MBNL1: variants seen among roughly 807,000 people sequenced by gnomAD.
MBNL1 encodes the protein muscleblind like splicing regulator 1.
MBNL1 carries 8 observed loss-of-function variants against 42.2 expected under a neutral mutation model. The ratio of observed to expected loss-of-function variants is 0.19; its 90% CI spans 0.11 to 0.34. The LOEUF is 0.34. Among genes scored for constraint, MBNL1 ranks in the 10% least tolerant of loss-of-function variants. MBNL1 has a pLI of 1.00. For missense variants in MBNL1, 309 were observed against 495.3 expected, an observed-to-expected ratio of 0.62 and a Z score of 3.57; for synonymous variants, 169 against 173.9, an observed-to-expected ratio of 0.97 and a Z score of 0.22.
chr3:152,318,971 A>G (rs1334989111), intron 2 of MBNL1, among the ~76,000 whole-genome samples: 4 of 152,154 alleles, frequency 2.6e-5, no homozygotes, highest in Non-Finnish European at 5.9e-5. Flanking sequence ...TTTTATTTGT[A>G]CTACTGGAAG....
Position 152,435,507 on chromosome 3 carries a change from G to A in MBNL1, c.549+2587G>A, listed in dbSNP as rs549790586. Among the ~76,000 whole-genome samples, 14 of 152,212 alleles carry A rather than the reference G, an allele frequency of 9.2e-5. No homozygotes were observed. In the East Asian group the frequency reaches 2.7e-3, roughly 29 times the overall value. ...AGCTTTGTTATTTTTGCTTAAGATT[G>A]CATTGGCTATCCAGGCTCTTTTTTT... On this transcript the variant is annotated intron_variant, in intron 4 of 9. Transcript: ENST00000324210.
chr3:152,332,567 C>T (rs1266144190), intron 2 of MBNL1, among the ~76,000 whole-genome samples: 2 of 152,196 alleles, frequency 1.3e-5, no homozygotes, highest in African/African-American at 2.4e-5. Context: ...CACATGGGCA[C>T]CTAAATAAGT....
chr3:152,413,026 A>G (rs1560495747), intron 2 of MBNL1, among the ~76,000 whole-genome samples: 1 of 152,162 alleles, frequency 6.6e-6, no homozygotes, highest in Admixed American at 6.5e-5. Context: ...ACTTCAACTA[A>G]ATATCCCTGA....
At chr3:152,397,630 ATC>A (rs199591065) in intron 2 of MBNL1, among the ~76,000 whole-genome samples, 3,469 of 152,240 alleles carry the variant, frequency 0.023, 54 homozygotes, top group Non-Finnish European at 0.036. Flanking sequence ...AGCGCTGATA[ATC>A]TGTAAACTTT....
chr3:152,371,433 A>G (rs183527578), intron 2 of MBNL1, among the ~76,000 whole-genome samples: 60 of 152,204 alleles, frequency 3.9e-4, no homozygotes, highest in Admixed American at 2.9e-3. Flanking sequence ...CTCCATCTCT[A>G]CTAAAAATAC....
chr3:152,447,686 A>G lies in MBNL1; in HGVS notation c.874A>G (p.Thr292Ala), dbSNP rs1479781937. Residue 292 changes from threonine (T) to alanine (A), a missense_variant, in exon 6 of 10, where the codon ACC becomes GCC. Physicochemically the swap from Thr to Ala is moderately conservative, Grantham distance 58. Transcript: ENST00000324210. ...RPALEKTNGA[T>A]AVFNTGIFQY... Reference sequence around the variant, plus strand: ...TGCTCTTGAAAAAACCAACGGTGCCACCGCAGTCTTTAACACTGGTATTTT... The same window carrying G: ...TGCTCTTGAAAAAACCAACGGTGCCGCCGCAGTCTTTAACACTGGTATTTT... 6.2e-7 allele frequency: 1 copy of G among 1,613,958 alleles called. No homozygotes were observed. The highest frequency in any genetic ancestry group is 1.3e-5 in the African/African-American group (1 of 75,034).
At position 152,452,138 on chromosome 3, in the gene MBNL1, A is replaced by G. The variant is rs551622050; in HGVS notation, c.962-3404A>G. Reference sequence around the variant, plus strand: ...ATTCATATTGAAGTTTTGTCTTTTCAAATTTCGATATATACTTGTTTTAAC... The same window carrying G: ...ATTCATATTGAAGTTTTGTCTTTTCGAATTTCGATATATACTTGTTTTAAC... On this transcript the variant is annotated intron_variant, in intron 6 of 9. Transcript: ENST00000324210. Among the ~76,000 whole-genome samples, 3 of 152,348 alleles carry G rather than the reference A, an allele frequency of 2.0e-5. No homozygotes were observed. The East Asian group carries it at 5.8e-4, about 29-fold the overall frequency.
At chr3:152,414,430 C>G (rs1208606326) in intron 2 of MBNL1, among the ~76,000 whole-genome samples, 1 of 152,016 alleles carries the variant, frequency 6.6e-6, no homozygotes, top group Non-Finnish European at 1.5e-5. Context: ...CTGGTAAAGC[C>G]TAGTAGTAAT....
intron 2 of MBNL1, among the ~76,000 whole-genome samples, chr3:152,386,055 T>C (rs1457355686): frequency 6.6e-6 from 1 of 152,052 alleles, no homozygotes; most frequent in Non-Finnish European, 1.5e-5. Context: ...CCTTGGGTAG[T>C]TCAAAAGATA....
intron 2 of MBNL1, among the ~76,000 whole-genome samples, chr3:152,255,548 C>A (rs548705661): frequency 1.8e-4 from 28 of 151,992 alleles, no homozygotes; most frequent in Non-Finnish European, 3.7e-4. Flanking sequence ...AGTCATATAT[C>A]AAGCAGTATA....
At chr3:152,381,405 C>T (rs2097175788) in intron 2 of MBNL1, among the ~76,000 whole-genome samples, 2 of 151,964 alleles carry the variant, frequency 1.3e-5, no homozygotes, top group Non-Finnish European at 2.9e-5. Flanking sequence ...AAAACAAACG[C>T]TGTCCATAAG....
intron 2 of MBNL1, among the ~76,000 whole-genome samples, chr3:152,368,341 G>A (rs1400596101): frequency 6.6e-6 from 1 of 152,024 alleles, no homozygotes; most frequent in African/African-American, 2.4e-5. Context: ...TGTTATTTTT[G>A]AGGCCTCTGT....
intron 6 of MBNL1, among the ~76,000 whole-genome samples, chr3:152,452,681 G>A (rs1236687085): frequency 1.3e-5 from 2 of 152,142 alleles, no homozygotes; most frequent in African/African-American, 4.8e-5. Flanking sequence ...CTGTGGAGCT[G>A]CACACTGCCT....
At chr3:152,431,534 C>A (rs569333827) in intron 3 of MBNL1, among the ~76,000 whole-genome samples, 6 of 152,156 alleles carry the variant, frequency 3.9e-5, no homozygotes, top group African/African-American at 1.4e-4. Context: ...CATGTAACTT[C>A]TTATTCCTGT....
chr3:152,278,849 C>A (rs990019539), intron 1 of MBNL1, among the ~76,000 whole-genome samples: 1 of 151,956 alleles, frequency 6.6e-6, no homozygotes, highest in Non-Finnish European at 1.5e-5. Context: ...AGAGGGAGAT[C>A]GAAAGTATAA....
At chr3:152,405,040 A>G (rs955083514) in intron 2 of MBNL1, among the ~76,000 whole-genome samples, 1 of 152,172 alleles carries the variant, frequency 6.6e-6, no homozygotes, top group Non-Finnish European at 1.5e-5. Flanking sequence ...TTTTCCCATT[A>G]CACTTTGGAA....
chr3:152,304,830 A>C (rs1199326438), intron 2 of MBNL1, among the ~76,000 whole-genome samples: 2 of 152,186 alleles, frequency 1.3e-5, no homozygotes, highest in Non-Finnish European at 2.9e-5. Context: ...CTTTGGTGAA[A>C]CTAGTAATTG....
chr3:152,427,116 G>T (rs535591327), intron 3 of MBNL1, among the ~76,000 whole-genome samples: 1 of 152,154 alleles, frequency 6.6e-6, no homozygotes, highest in African/African-American at 2.4e-5. Flanking sequence ...CATCCATCCT[G>T]CTGTTGTTAC....
At chr3:152,325,056 T>G (rs1311397889) in intron 2 of MBNL1, among the ~76,000 whole-genome samples, 1 of 136,142 alleles carries the variant, frequency 7.3e-6, no homozygotes, top group Non-Finnish European at 1.5e-5. Flanking sequence ...AAATGACTTC[T>G]TTTGATGTTC....
Sources: allele counts gnomAD v4.1 joint callset (sites outside exome capture counted in the v4.1 genomes callset), GRCh38; gene constraint gnomAD v4.1.1; transcripts MANE v1.5; gene names NCBI Gene and HGNC (gene_info 2026-07-23, HGNC 2026-07-21).